Variants in CFAP70 observed in about 807,000 individuals in gnomAD.
CFAP70 encodes cilia- and flagella-associated protein 70.
Under a neutral mutation model 137.6 loss-of-function variants are expected in CFAP70, and 81 were observed. The observed-to-expected ratio is 0.59, with a 90% CI of 0.49 to 0.71. CFAP70 has a LOEUF of 0.71. Among genes scored for constraint, CFAP70 ranks in the 30% least tolerant of loss-of-function variants. The probability of loss-of-function intolerance (pLI) is 0.00; values close to 1 mark genes in which losing one functional copy is unlikely to be tolerated. For synonymous variants in CFAP70, 382 were observed against 423.6 expected (o/e 0.90, Z 1.20); for missense variants, 976 against 1,226.7 (o/e 0.80, Z 3.05).
At chr10:73,343,113 G>A (rs1399926252) in intron 5 of CFAP70, among the ~76,000 whole-genome samples, 8 of 151,826 alleles carry the variant, frequency 5.3e-5, no homozygotes, top group Admixed American at 5.2e-4. Context: ...GGGAGGCTGA[G>A]GCAGGAGAAT....
In CFAP70 at chr10:73,309,658, A is replaced by ATTTTTTTTTTTTTTTT. The variant is rs60294953; in HGVS notation, c.1256+499_1256+500insAAAAAAAAAAAAAAAA. On this transcript the variant is annotated intron_variant, in intron 12 of 26. Coordinates refer to ENST00000310715, the Ensembl canonical transcript of CFAP70. ...TCTTGTTCATCCGTATTTCCTAAGAATTTTTTTTTTTTTTTAGAGATAGAG... is the reference window on the plus strand; with the variant it reads ...TCTTGTTCATCCGTATTTCCTAAGAATTTTTTTTTTTTTTTTTTTTTTTTTTTTTTTAGAGATAGAG... 7.0e-4 allele frequency among the ~76,000 whole-genome samples: 95 copies of ATTTTTTTTTTTTTTTT among 136,420 alleles called. 1 individual carries two copies. Among genetic ancestry groups the ATTTTTTTTTTTTTTTT allele is most frequent in the African/African-American group, 2.0e-3 (71 of 36,086 alleles). 89.5% of individuals were successfully genotyped at this position (136,420 alleles called of 152,430 possible).
At chr10:73,344,854 AATT>A (rs1183554728) in intron 5 of CFAP70, among the ~76,000 whole-genome samples, 3 of 151,922 alleles carry the variant, frequency 2.0e-5, no homozygotes, top group South Asian at 2.1e-4. Flanking sequence ...TATTTATATA[AATT>A]ATATTTAATG....
At position 73,274,837 on chromosome 10, in the gene CFAP70, G is replaced by A. The variant is rs1289009935; in HGVS notation, c.2674-243C>T. The A allele has an allele frequency of 1.7e-5, 8 of 463,678 alleles. No individual in the cohort carries two copies. In the East Asian group the frequency reaches 3.0e-4, roughly 17 times the overall value. The allele number at this position is 463,678 out of a possible 1,614,324, so 28.7% of individuals were successfully genotyped here. A position where few individuals can be genotyped will look rare whatever the true frequency, so the allele number is the denominator to read the frequency against. On this transcript the variant is annotated intron_variant, in intron 22 of 26. Coordinates refer to ENST00000310715, the Ensembl canonical transcript of CFAP70. Reference sequence around the variant, plus strand: ...CATTCTTCAAAGCCATTTTGGGTGTGGAGTAAATATTAAGAAAAACATTCA... The same window carrying A: ...CATTCTTCAAAGCCATTTTGGGTGTAGAGTAAATATTAAGAAAAACATTCA...
intron 9 of CFAP70, among the ~76,000 whole-genome samples, chr10:73,314,142 A>G (rs986359747): frequency 1.3e-5 from 2 of 152,248 alleles, no homozygotes; most frequent in Non-Finnish European, 2.9e-5. Context: ...AAAGGAGGCC[A>G]GGCGAGAGGG....
In CFAP70 at chr10:73,297,246, CTTT is replaced by C; in HGVS notation, c.1513-76_1513-74del. Reference sequence around the variant, plus strand: ...GCTGAGAGCACGGGTCTCTCTAGGGCTTTCTGGTCTAAAGCTGATCAAAATTTC... The same window carrying C: ...GCTGAGAGCACGGGTCTCTCTAGGGCCTGGTCTAAAGCTGATCAAAATTTC... On this transcript the variant is annotated intron_variant, in intron 14 of 26. Transcript: ENST00000310715. 6 of 1,486,702 alleles carry C rather than the reference CTTT, an allele frequency of 4.0e-6. No individual in the cohort carries two copies. In the South Asian group the frequency reaches 4.2e-5, roughly 10 times the overall value. The allele number at this position is 1,486,702 out of a possible 1,614,324, so 92.1% of individuals were successfully genotyped here.
At chr10:73,298,916 T>C (rs1316618523) in exon 14 of CFAP70, 2 of 1,613,830 alleles carry the variant, frequency 1.2e-6, no homozygotes, top group African/African-American at 1.3e-5. Context: ...CCTTGAGTTG[T>C]TCTTTGAAAG....
At chr10:73,341,415 TCTC>T (rs2053238797) in exon 6 of CFAP70, 2 of 1,612,592 alleles carry the variant, frequency 1.2e-6, no homozygotes, top group East Asian at 2.2e-5. Context: ...ATGGTTGAGT[TCTC>T]CTTCTTCTTC....
At chr10:73,360,447 G>C (rs1446424360), upstream of CFAP70, among the ~76,000 whole-genome samples, 1 of 152,168 alleles carries the variant, frequency 6.6e-6, no homozygotes, top group Non-Finnish European at 1.5e-5. Flanking sequence ...TCTGAGTGCA[G>C]GGGACATGGG....
intron 19 of CFAP70, among the ~76,000 whole-genome samples, chr10:73,284,466 C>T (rs1368361843): frequency 1.3e-5 from 2 of 151,924 alleles, no homozygotes; most frequent in Non-Finnish European, 2.9e-5. Context: ...ACATGAACAT[C>T]TTTGGAGGAG....
At chr10:73,325,139 T>C (rs1164745279) in intron 8 of CFAP70, among the ~76,000 whole-genome samples, 3 of 152,142 alleles carry the variant, frequency 2.0e-5, no homozygotes, top group Non-Finnish European at 4.4e-5. Flanking sequence ...GCGGATCTGT[T>C]GGCAGAAACT....
At chr10:73,358,913 G>A (rs761059431), upstream of CFAP70, 1 of 152,262 alleles carries the variant, frequency 6.6e-6, no homozygotes, top group Non-Finnish European at 1.5e-5. Flanking sequence ...AGAGCCTGCT[G>A]TTTCCGCGGA....
At chr10:73,349,746 A>G (rs889513823) in intron 3 of CFAP70, among the ~76,000 whole-genome samples, 1 of 152,258 alleles carries the variant, frequency 6.6e-6, no homozygotes, top group Non-Finnish European at 1.5e-5. Flanking sequence ...GTAGAATAGT[A>G]TAACAACTAT....
exon 23 of CFAP70, chr10:73,274,449 T>C: frequency 6.2e-7 from 1 of 1,612,660 alleles, no homozygotes; most frequent in Non-Finnish European, 8.5e-7. Context: ...CTCTTCCAGA[T>C]AGATGAGCCC....
chr10:73,340,333 C>T (rs1589554446), intron 6 of CFAP70, among the ~76,000 whole-genome samples: 1 of 152,238 alleles, frequency 6.6e-6, no homozygotes, highest in Admixed American at 6.5e-5. Flanking sequence ...CAGGTCATCC[C>T]ATCCTTTGCC....
At chr10:73,262,922 T>G (rs1340033469) in intron 25 of CFAP70, among the ~76,000 whole-genome samples, 1 of 152,168 alleles carries the variant, frequency 6.6e-6, no homozygotes, top group Non-Finnish European at 1.5e-5. Context: ...AAATTAGAGA[T>G]ATGATTCAAT....
intron 6 of CFAP70, among the ~76,000 whole-genome samples, chr10:73,340,834 G>A (rs909651277): frequency 1.3e-5 from 2 of 152,252 alleles, no homozygotes; most frequent in African/African-American, 2.4e-5. Context: ...AGCAGGAGCA[G>A]GCACTTCCAA....
At chr10:73,291,578 A>G in intron 18 of CFAP70, 62 bp downstream of exon 19, 2 of 1,526,272 alleles carry the variant, frequency 1.3e-6, no homozygotes, top group East Asian at 2.3e-5. Context: ...AAGAAGAGAA[A>G]GGAAAAAGGG....
chr10:73,320,015 G>A (rs1449280494), intron 9 of CFAP70, among the ~76,000 whole-genome samples: 1 of 152,078 alleles, frequency 6.6e-6, no homozygotes. Flanking sequence ...TATCTCTCAG[G>A]AAACTACTGT....
chr10:73,290,284 A>G (rs1302951990), intron 19 of CFAP70, among the ~76,000 whole-genome samples: 1 of 152,178 alleles, frequency 6.6e-6, no homozygotes, highest in Admixed American at 6.5e-5. Context: ...GTGTGATTCT[A>G]TTTAATTCTG....
Sources: gnomAD v4.1 joint callset for allele counts (sites outside exome capture counted in the v4.1 genomes callset) on GRCh38, gnomAD v4.1.1 for gene constraint, MANE v1.5 for transcripts, NCBI Gene and HGNC (gene_info 2026-07-23, HGNC 2026-07-21) for gene names.